Variants in SPRED1 observed in about 807,000 individuals in gnomAD.
SPRED1 encodes the protein sprouty related EVH1 domain containing 1.
A neutral mutation model predicts 52.3 loss-of-function variants in SPRED1; 18 were observed. The observed-to-expected ratio is 0.34, with a 90% CI of 0.24 to 0.51. The LOEUF (loss-of-function observed/expected upper bound fraction) is 0.51. Among genes scored for constraint, SPRED1 ranks in the 20% least tolerant of loss-of-function variants. SPRED1 has a pLI of 0.97. For missense variants in SPRED1, 485 were observed against 551.0 expected, an observed-to-expected ratio of 0.88 and a Z score of 1.20; for synonymous variants, 155 against 179.7, an observed-to-expected ratio of 0.86 and a Z score of 1.10.
intron 1 of SPRED1, among the ~76,000 whole-genome samples, chr15:38,266,136 A>G (rs1269023041): frequency 6.6e-6 from 1 of 152,210 alleles, no homozygotes; most frequent in African/African-American, 2.4e-5. Flanking sequence ...TAATTTGTTA[A>G]TTCAAAAATA....
chr15:38,253,489 G>A (rs576447516), intron 1 of SPRED1, among the ~76,000 whole-genome samples: 2 of 152,254 alleles, frequency 1.3e-5, no homozygotes, highest in Non-Finnish European at 2.9e-5. Context: ...GTGGATGGAT[G>A]GAAGTGGAGT....
At chr15:38,319,837 C>T (rs1895566542) in intron 2 of SPRED1, among the ~76,000 whole-genome samples, 1 of 152,142 alleles carries the variant, frequency 6.6e-6, no homozygotes, top group Admixed American at 6.5e-5. Context: ...TTATTATATT[C>T]AGTGGTATGC....
intron 2 of SPRED1, among the ~76,000 whole-genome samples, chr15:38,317,079 T>C (rs1177261079): frequency 6.6e-6 from 1 of 151,872 alleles, no homozygotes; most frequent in Non-Finnish European, 1.5e-5. Flanking sequence ...GGCTTTTAAA[T>C]TTATCTTTAC....
intron 1 of SPRED1, among the ~76,000 whole-genome samples, chr15:38,297,928 C>G (rs1410870443): frequency 6.6e-6 from 1 of 152,080 alleles, no homozygotes. Flanking sequence ...AAATTTGACT[C>G]TAGAATTCTC....
At chr15:38,291,833 G>A (rs1233960190) in intron 1 of SPRED1, among the ~76,000 whole-genome samples, 4 of 152,228 alleles carry the variant, frequency 2.6e-5, no homozygotes, top group African/African-American at 9.6e-5. Context: ...CCTGTGATGG[G>A]AGGGGCTGCT....
chr15:38,322,361 A>G lies in SPRED1; in HGVS notation c.328A>G (p.Arg110Gly). ...GLTFQSPADA[R>G]AFDRGIRRAI... Reference sequence around the variant, plus strand: ...TACGTTTCAAAGTCCTGCTGATGCTAGGGCTTTTGATAGAGGTATCCGAAG... The same window carrying G: ...TACGTTTCAAAGTCCTGCTGATGCTGGGGCTTTTGATAGAGGTATCCGAAG... Residue 110 changes from arginine (R) to glycine (G), a missense_variant, in exon 3 of 7, where the codon AGG becomes GGG. By Grantham distance (125) the Arg-to-Gly change is moderately radical. Transcript: ENST00000299084. 6.2e-7 allele frequency: 1 copy of G among 1,613,892 alleles called. No homozygotes were observed.
At chr15:38,298,323 C>G (rs1307309826) in intron 1 of SPRED1, among the ~76,000 whole-genome samples, 2 of 152,108 alleles carry the variant, frequency 1.3e-5, no homozygotes, top group Admixed American at 6.5e-5. Context: ...TGTACCTATC[C>G]TGTGACCCGT....
chr15:38,309,402 A>G (rs1215696143), intron 2 of SPRED1, among the ~76,000 whole-genome samples: 1 of 152,174 alleles, frequency 6.6e-6, no homozygotes. Flanking sequence ...TAGCCTCCCA[A>G]CGTGCTGGGA....
At chr15:38,316,890 G>T (rs1341553507) in intron 2 of SPRED1, among the ~76,000 whole-genome samples, 2 of 151,088 alleles carry the variant, frequency 1.3e-5, no homozygotes, top group African/African-American at 2.4e-5. Context: ...ATTTTTAATG[G>T]ATCAGTGAAG....
At chr15:38,348,550 T>TA (rs1420969581) in intron 5 of SPRED1, among the ~76,000 whole-genome samples, 1 of 152,132 alleles carries the variant, frequency 6.6e-6, no homozygotes, top group East Asian at 1.9e-4. Flanking sequence ...TTTTACTTCA[T>TA]GTGCTTTTAT....
At chr15:38,279,614 G>A (rs945992180) in intron 1 of SPRED1, among the ~76,000 whole-genome samples, 1 of 152,144 alleles carries the variant, frequency 6.6e-6, no homozygotes, top group African/African-American at 2.4e-5. Context: ...CCAGTTATGT[G>A]GTTCTGGACT....
intron 1 of SPRED1, among the ~76,000 whole-genome samples, chr15:38,256,822 CATATAT>C (rs35751987): frequency 1.3e-5 from 2 of 150,762 alleles, no homozygotes; most frequent in East Asian, 3.9e-4. Context: ...CACACACACA[CATATAT>C]ATATATATAA....
intron 2 of SPRED1, among the ~76,000 whole-genome samples, chr15:38,304,243 G>A (rs966241422): frequency 2.6e-5 from 4 of 152,128 alleles, no homozygotes; most frequent in East Asian, 3.9e-4. Context: ...GAACTTTATC[G>A]AAGTACAGAA....
chr15:38,347,047 G>A (rs1236079631), intron 5 of SPRED1, among the ~76,000 whole-genome samples: 2 of 152,046 alleles, frequency 1.3e-5, no homozygotes. Context: ...TTCACTCTTT[G>A]TGGTGTTTTG....
intron 1 of SPRED1, among the ~76,000 whole-genome samples, chr15:38,281,866 A>T (rs555729537): frequency 6.6e-6 from 1 of 152,230 alleles, no homozygotes; most frequent in South Asian, 2.1e-4. Flanking sequence ...ATCCTTTGGA[A>T]TTTACTCAGT....
intron 3 of SPRED1, among the ~76,000 whole-genome samples, chr15:38,324,280 A>G (rs997823128): frequency 2.6e-5 from 4 of 152,224 alleles, no homozygotes; most frequent in African/African-American, 9.6e-5. Flanking sequence ...CAAAAAAGTC[A>G]GTAACAACAA....
chr15:38,332,320 T>C (rs1217027223), intron 4 of SPRED1, among the ~76,000 whole-genome samples: 2 of 152,156 alleles, frequency 1.3e-5, no homozygotes, highest in Non-Finnish European at 2.9e-5. Flanking sequence ...ATGCCTGTAA[T>C]CCCAGCAGTT....
At chr15:38,304,643 CTCA>C (rs1428842331) in intron 2 of SPRED1, among the ~76,000 whole-genome samples, 3 of 152,164 alleles carry the variant, frequency 2.0e-5, no homozygotes, top group Non-Finnish European at 4.4e-5. Flanking sequence ...ACATCTGAGC[CTCA>C]TCATCATTCT....
At chr15:38,294,581 A>C (rs1159858650) in intron 1 of SPRED1, among the ~76,000 whole-genome samples, 8 of 152,306 alleles carry the variant, frequency 5.3e-5, no homozygotes. Context: ...GCTAATATCA[A>C]GGTATTTCTT....
Sources: gnomAD v4.1 joint callset for allele counts (sites outside exome capture counted in the v4.1 genomes callset) on GRCh38, gnomAD v4.1.1 for gene constraint, MANE v1.5 for transcripts, NCBI Gene and HGNC (gene_info 2026-07-23, HGNC 2026-07-21) for gene names.